TTC23: variants seen among roughly 807,000 people sequenced by gnomAD.
The protein encoded by TTC23 is tetratricopeptide repeat protein 23.
In TTC23, 58 loss-of-function variants were observed where a neutral mutation model predicts 55.1. That is an observed-to-expected ratio of 1.05 (90% CI 0.85 to 1.31). The LOEUF is 1.31. TTC23 is among the 50% of genes most tolerant of loss of function. The pLI is 0.00. For synonymous variants in TTC23, 203 were observed against 199.9 expected (o/e 1.02, Z -0.13); for missense variants, 516 against 534.4 (o/e 0.97, Z 0.34).
intron 9 of TTC23, among the ~76,000 whole-genome samples, chr15:99,196,830 T>C (rs867639885): frequency 8.5e-5 from 13 of 152,190 alleles, no homozygotes; most frequent in African/African-American, 3.1e-4. Context: ...CATCTGCCCT[T>C]AGGAGGAAGC....
intron 12 of TTC23, 89 bp from the exon 13 acceptor site, chr15:99,139,488 C>T (rs781846438): frequency 1.3e-6 from 2 of 1,583,014 alleles, no homozygotes; most frequent in Non-Finnish European, 8.6e-7. Flanking sequence ...AGAAAGATGA[C>T]CTCATTCTTA....
intron 9 of TTC23, among the ~76,000 whole-genome samples, chr15:99,186,904 C>T (rs1691495187): frequency 6.6e-6 from 1 of 152,000 alleles, no homozygotes; most frequent in Admixed American, 6.5e-5. Flanking sequence ...AATATAATCC[C>T]TACCAAAATC....
chr15:99,200,582 A>G (rs997979286), intron 8 of TTC23, among the ~76,000 whole-genome samples: 4 of 152,226 alleles, frequency 2.6e-5, no homozygotes, highest in African/African-American at 9.6e-5. Flanking sequence ...ATTTCCCAGT[A>G]TTGGGAAGGA....
At chr15:99,203,500 T>C (rs1282178205) in intron 8 of TTC23, among the ~76,000 whole-genome samples, 1 of 152,042 alleles carries the variant, frequency 6.6e-6, no homozygotes, top group Non-Finnish European at 1.5e-5. Flanking sequence ...CTTTAATTAT[T>C]TAAAAATATA....
At chr15:99,227,853 T>C (rs2152067325) in intron 5 of TTC23, among the ~76,000 whole-genome samples, 1 of 152,288 alleles carries the variant, frequency 6.6e-6, no homozygotes, top group South Asian at 2.1e-4. Flanking sequence ...GTAACTCCCA[T>C]CCGAAGAAAG....
intron 12 of TTC23, among the ~76,000 whole-genome samples, chr15:99,153,442 C>T (rs781986386): frequency 6.6e-6 from 1 of 152,160 alleles, no homozygotes; most frequent in Non-Finnish European, 1.5e-5. Context: ...CTGTCTTTTG[C>T]AGCAGAATCA....
intron 1 of TTC23, among the ~76,000 whole-genome samples, chr15:99,248,461 T>C (rs1223990994): frequency 2.6e-5 from 4 of 152,236 alleles, no homozygotes; most frequent in Admixed American, 6.5e-5. Context: ...ATGTATTTGC[T>C]AACAACTCAC....
intron 4 of TTC23, among the ~76,000 whole-genome samples, chr15:99,231,638 G>A (rs1050699836): frequency 7.4e-5 from 11 of 148,520 alleles, no homozygotes; most frequent in Admixed American, 6.7e-5. Context: ...GACTACAGGC[G>A]CCCGCCACCA....
intron 5 of TTC23, 88 bp from the exon 6 acceptor site, chr15:99,221,952 A>G: frequency 6.9e-7 from 1 of 1,455,992 alleles, no homozygotes; most frequent in Non-Finnish European, 9.4e-7. Context: ...CCCTTTGATA[A>G]ATACTGAGTG....
chr15:99,176,632 G>T (rs1445053136), intron 9 of TTC23, among the ~76,000 whole-genome samples: 2 of 152,004 alleles, frequency 1.3e-5, no homozygotes, highest in Non-Finnish European at 2.9e-5. Context: ...CACACAAAAA[G>T]ATAAAAAAGG....
At chr15:99,147,788 A>T (rs1555494691) in intron 12 of TTC23, among the ~76,000 whole-genome samples, 2 of 152,082 alleles carry the variant, frequency 1.3e-5, no homozygotes, top group Admixed American at 6.5e-5. Context: ...AGGACAAATG[A>T]GGCTCTACAC....
intron 12 of TTC23, 66 bp downstream of exon 12, chr15:99,156,082 A>G (rs1596300848): frequency 1.9e-6 from 3 of 1,603,288 alleles, no homozygotes; most frequent in East Asian, 4.5e-5. Context: ...ACCACAAGGG[A>G]GAGAAATTGA....
intron 12 of TTC23, chr15:99,140,533 CTAATT>C (rs2068109384): frequency 6.6e-6 from 1 of 152,090 alleles, no homozygotes; most frequent in African/African-American, 2.4e-5. Flanking sequence ...CCACACTCAG[CTAATT>C]TTTGCATTTT....
intron 10 of TTC23, among the ~76,000 whole-genome samples, chr15:99,168,584 C>T (rs1181144863): frequency 1.3e-5 from 2 of 152,176 alleles, no homozygotes; most frequent in East Asian, 1.9e-4. Flanking sequence ...GTGAAAAACC[C>T]GAACCTCATG....
chr15:99,147,946 C>G (rs751347524), intron 12 of TTC23, among the ~76,000 whole-genome samples: 1 of 152,042 alleles, frequency 6.6e-6, no homozygotes, highest in Admixed American at 6.6e-5. Flanking sequence ...TTACAGGGAA[C>G]GGATTCTAAC....
intron 10 of TTC23, among the ~76,000 whole-genome samples, chr15:99,170,126 T>C (rs1435351528): frequency 6.6e-6 from 1 of 152,204 alleles, no homozygotes; most frequent in Non-Finnish European, 1.5e-5. Context: ...TCTGGGAAGC[T>C]GGCCAGGCTC....
intron 2 of TTC23, 25 bp from the exon 3 acceptor site, chr15:99,241,584 A>T (rs1316001806): frequency 6.6e-6 from 1 of 152,330 alleles, no homozygotes; most frequent in East Asian, 1.9e-4. Flanking sequence ...GTTAAAGCAC[A>T]TAATCAGCCC....
intron 8 of TTC23, among the ~76,000 whole-genome samples, chr15:99,205,834 T>C (rs2076583285): frequency 6.6e-6 from 1 of 152,328 alleles, no homozygotes; most frequent in Middle Eastern, 3.4e-3. Flanking sequence ...GGCTAAAGCT[T>C]TCTGTACTAT....
chr15:99,136,962 G>A lies in TTC23; in HGVS notation c.*1048C>T, dbSNP rs563109019. 3 of 152,324 alleles carry A rather than the reference G, an allele frequency of 2.0e-5. No individual in the cohort carries two copies. In the East Asian group the frequency reaches 5.8e-4, roughly 29 times the overall value. The allele number at this position is 152,324 out of a possible 1,614,324, so 9.4% of individuals were successfully genotyped here. A position where few individuals can be genotyped will look rare whatever the true frequency, so the allele number is the denominator to read the frequency against. On this transcript the variant is annotated 3_prime_UTR_variant, in exon 14 of 14. Transcript: ENST00000394132. ...GGTGCCCTGCACAAATGGCCCCAGG[G>A]TGGTTTTGATGTCCCACTGGGGGCT...
Sources: allele counts gnomAD v4.1 joint callset (sites outside exome capture counted in the v4.1 genomes callset), GRCh38; gene constraint gnomAD v4.1.1; transcripts MANE v1.5; gene names NCBI Gene and HGNC (gene_info 2026-07-23, HGNC 2026-07-21).